Variants in MTX2 observed in about 807,000 individuals in gnomAD.
MTX2 encodes metaxin 2.
In MTX2, 35 loss-of-function variants were observed where a neutral mutation model predicts 42.3. That is an observed-to-expected ratio of 0.83 (90% confidence interval 0.63 to 1.10). The LOEUF is 1.10. MTX2 is among the 50% of genes least tolerant of loss of function. The pLI, the probability that MTX2 is intolerant of heterozygous loss-of-function variation, is 0.00. For missense variants in MTX2, 307 were observed against 304.1 expected (o/e 1.01, Z -0.07); for synonymous variants, 119 against 100.9 (o/e 1.18, Z -1.08).
chr2:176,270,409 G>T (rs778519896), intron 1 of MTX2: 1 of 1,362,662 alleles, frequency 7.3e-7, no homozygotes. Flanking sequence ...GAACATGACT[G>T]ATGTATATAG....
chr2:176,293,435 T>A (rs1189254818), intron 1 of MTX2, among the ~76,000 whole-genome samples: 2 of 152,188 alleles, frequency 1.3e-5, no homozygotes. Context: ...CCTGTTGAAA[T>A]GTAATCCCCG....
At chr2:176,311,346 C>G (rs1684299053) in intron 3 of MTX2, among the ~76,000 whole-genome samples, 1 of 152,166 alleles carries the variant, frequency 6.6e-6, no homozygotes, top group African/African-American at 2.4e-5. Flanking sequence ...TCGAGTTAGG[C>G]TACACGGGGG....
intron 3 of MTX2, among the ~76,000 whole-genome samples, chr2:176,315,726 A>G (rs1422853223): frequency 6.6e-6 from 1 of 151,914 alleles, no homozygotes; most frequent in Non-Finnish European, 1.5e-5. Context: ...TCACTTCTTT[A>G]CTCCCACATA....
intron 1 of MTX2, among the ~76,000 whole-genome samples, chr2:176,294,140 A>G (rs1444347202): frequency 3.9e-5 from 6 of 152,282 alleles, no homozygotes; most frequent in East Asian, 1.9e-4. Flanking sequence ...TAGATTCTTA[A>G]TAAGAGAGCT....
chr2:176,272,293 T>C (rs557896802), intron 1 of MTX2, among the ~76,000 whole-genome samples: 1 of 152,162 alleles, frequency 6.6e-6, no homozygotes, highest in African/African-American at 2.4e-5. Context: ...GAGATGTTGA[T>C]CAAAGGGAAC....
chr2:176,298,150 A>G (rs910434361), intron 3 of MTX2, among the ~76,000 whole-genome samples: 1 of 151,762 alleles, frequency 6.6e-6, no homozygotes, highest in Non-Finnish European at 1.5e-5. Flanking sequence ...TTTATGTGGT[A>G]GGCACATTCT....
intron 3 of MTX2, among the ~76,000 whole-genome samples, chr2:176,299,122 G>C (rs1015207735): frequency 2.6e-5 from 4 of 152,130 alleles, no homozygotes; most frequent in Non-Finnish European, 5.9e-5. Flanking sequence ...ACCACCCTGT[G>C]ACATTTGACA....
At chr2:176,298,636 A>G (rs1471628011) in intron 3 of MTX2, among the ~76,000 whole-genome samples, 2 of 152,142 alleles carry the variant, frequency 1.3e-5, no homozygotes, top group Non-Finnish European at 2.9e-5. Flanking sequence ...AGTTTAACAT[A>G]GGACTGAGCA....
chr2:176,288,097 A>T (rs1407418325), intron 1 of MTX2, among the ~76,000 whole-genome samples: 1 of 152,016 alleles, frequency 6.6e-6, no homozygotes, highest in East Asian at 1.9e-4. Flanking sequence ...CCTATGAAAC[A>T]CTAGCTAAGG....
chr2:176,269,635 T>C lies in MTX2; in HGVS notation c.6T>C (p.Ser2=), dbSNP rs768247739. ...CGCCGGGCCTCCCAGCCGACATGTC[T>C]CTAGTGGCGGAAGCCTTCGTCTCCC... M[S]LVAEAFVSQI... The change falls in exon 1 of 10, where the codon TCT becomes TCC. Residue 2 remains serine, a synonymous_variant. Coordinates refer to ENST00000249442, the MANE Select transcript of MTX2 (RefSeq NM_006554.5). 4 of 1,596,558 alleles carry C rather than the reference T, an allele frequency of 2.5e-6. No individual in the cohort carries two copies. Among genetic ancestry groups the C allele is most frequent in the Non-Finnish European group, 3.4e-6 (4 of 1,174,330 alleles).
intron 9 of MTX2, among the ~76,000 whole-genome samples, chr2:176,335,471 C>T (rs1462116526): frequency 6.6e-6 from 1 of 151,832 alleles, no homozygotes; most frequent in African/African-American, 2.4e-5. Context: ...TGACATTAGT[C>T]ATTCTGACCA....
intron 3 of MTX2, among the ~76,000 whole-genome samples, chr2:176,305,436 G>A (rs181019157): frequency 1.9e-3 from 295 of 152,106 alleles, no homozygotes; most frequent in Non-Finnish European, 2.0e-3. Context: ...AGGTTATTGG[G>A]TTACAAGAAT....
At chr2:176,272,566 TTATGG>T (rs1413522023) in intron 1 of MTX2, among the ~76,000 whole-genome samples, 20 of 152,136 alleles carry the variant, frequency 1.3e-4, no homozygotes. Context: ...TATACAAAAA[TTATGG>T]TATGGTCACA....
Position 176,312,442 on chromosome 2 carries a change from G to A in MTX2, c.136-10950G>A, listed in dbSNP as rs190476717. On this transcript the variant is annotated intron_variant, in intron 3 of 9. Coordinates refer to ENST00000249442, the MANE Select transcript of MTX2 (RefSeq NM_006554.5). Reference sequence around the variant, plus strand: ...ATTTATCAGTTTTATCAGTGTGTATGACTCTAAAAATTATTCACAAACCTC... The same window carrying A: ...ATTTATCAGTTTTATCAGTGTGTATAACTCTAAAAATTATTCACAAACCTC... Among the ~76,000 whole-genome samples the A allele has an allele frequency of 5.0e-4, 76 of 152,226 alleles. No individual in the cohort carries two copies. The East Asian group carries it at 0.014, about 27-fold the overall frequency.
Position 176,329,298 on chromosome 2 carries a change from T to C in MTX2, c.418-3T>C, listed in dbSNP as rs1217307059. On this transcript the variant is annotated splice_region_variant and splice_polypyrimidine_tract_variant and intron_variant, in intron 7 of 9. Transcript: ENST00000249442. ...CCTTTTTTACAAAATCTTTTTACTT[T>C]AGATCACTCATGCTAGGTATGGATC... 1 of 1,595,654 alleles carries C rather than the reference T, an allele frequency of 6.3e-7. No homozygotes were observed. The highest frequency in any genetic ancestry group is 1.7e-5 in the Admixed American group (1 of 57,242).
Position 176,269,660 on chromosome 2 carries a change from C to T in MTX2, c.31C>T (p.Gln11Ter). The T allele has an allele frequency of 6.3e-7, 1 of 1,598,070 alleles. No individual in the cohort carries two copies. The highest frequency in any genetic ancestry group is 8.5e-7 in the Non-Finnish European group (1 of 1,175,026). ...TCTAGTGGCGGAAGCCTTCGTCTCCCAGATTGCAGGTAGCGCGGCTGGCCG... is the reference window on the plus strand; with the variant it reads ...TCTAGTGGCGGAAGCCTTCGTCTCCTAGATTGCAGGTAGCGCGGCTGGCCG... Reference protein sequence around the residue: MSLVAEAFVSQIAAAEPWPEN... With the variant: MSLVAEAFVS The change falls in exon 1 of 10, where the codon CAG becomes TAG. Residue 11 changes from glutamine to a stop codon, truncating the protein, a stop_gained. Transcript: ENST00000249442. LOFTEE classifies it high-confidence loss of function.
intron 1 of MTX2, among the ~76,000 whole-genome samples, chr2:176,284,756 T>A (rs1693156058): frequency 6.6e-6 from 1 of 152,194 alleles, no homozygotes; most frequent in African/African-American, 2.4e-5. Context: ...TCTACACACA[T>A]CCTTACTACC....
chr2:176,275,261 G>A (rs1198209273), intron 1 of MTX2, among the ~76,000 whole-genome samples: 6 of 149,836 alleles, frequency 4.0e-5, no homozygotes, highest in African/African-American at 1.2e-4. Flanking sequence ...TTTTTGAGGT[G>A]GCATTTTACT....
intron 6 of MTX2, 129 bp from the exon 7 acceptor site, chr2:176,328,745 G>T (rs1412199308): frequency 5.0e-6 from 4 of 800,050 alleles, no homozygotes; most frequent in Non-Finnish European, 8.0e-6. Context: ...TAGCAGCTAA[G>T]AAAAACAAAC....
Sources: allele counts gnomAD v4.1 joint callset (sites outside exome capture counted in the v4.1 genomes callset), GRCh38; gene constraint gnomAD v4.1.1; transcripts MANE v1.5; gene names NCBI Gene and HGNC (gene_info 2026-07-23, HGNC 2026-07-21).